DNAH17: variants seen among roughly 807,000 people sequenced by gnomAD.
DNAH17 encodes axonemal beta dynein heavy chain 17.
DNAH17 carries 376 observed loss-of-function variants against 485.6 expected under a neutral mutation model. That is an observed-to-expected ratio of 0.77 (90% CI 0.71 to 0.84). The LOEUF (loss-of-function observed/expected upper bound fraction) is 0.84, where lower values mean the gene tolerates loss of function less well. Ranked by LOEUF, DNAH17 falls within the 40% of genes least tolerant of loss-of-function variation. The pLI, the probability that DNAH17 is intolerant of heterozygous loss-of-function variation, is 0.00. For synonymous variants in DNAH17, 3,031 were observed against 2,405.9 expected, an observed-to-expected ratio of 1.26 and a Z score of -7.60; for missense variants, 6,370 against 5,839.3, an observed-to-expected ratio of 1.09 and a Z score of -2.96.
chr17:78,520,046 G>A (rs570693408), intron 25 of DNAH17, among the ~76,000 whole-genome samples: 3 of 152,260 alleles, frequency 2.0e-5, no homozygotes, highest in South Asian at 4.1e-4. Flanking sequence ...AGGAGGCAGA[G>A]GTTGCAGTGA....
At chr17:78,460,133 G>A (rs150414589) in intron 59 of DNAH17, 29 bp downstream of exon 59, 40,465 of 1,586,270 alleles carry the variant, frequency 0.026, 629 homozygotes, top group Middle Eastern at 0.042. Flanking sequence ...ACCAGGCCAG[G>A]GGTCCCCTTT....
intron 33 of DNAH17, chr17:78,502,322 A>G: frequency 6.2e-6 from 2 of 324,942 alleles, no homozygotes; most frequent in Non-Finnish European, 1.1e-5. Context: ...TTTTTTTTTT[A>G]AAGACTCTCA....
chr17:78,560,774 G>A lies in DNAH17; in HGVS notation c.1997C>T (p.Ala666Val). 6.4e-7 allele frequency: 1 copy of A among 1,552,246 alleles called. No individual in the cohort carries two copies. Among genetic ancestry groups the A allele is most frequent in the Non-Finnish European group, 8.7e-7 (1 of 1,147,332 alleles). Residue 666 changes from alanine to valine, a missense_variant, in exon 13 of 81, where the codon GCT becomes GTT. Transcript: ENST00000389840. ...LGQPLILRDA[A>V]SNLIHVNFSK... ...GAAGTTGACGTGGATGAGGTTGCTA[G>A]CGGCGTCCCGCAGAATCAGCGGCTG... is the stretch of plus-strand genomic sequence containing the variant.
At chr17:78,446,738 G>A (rs1441021541) in intron 69 of DNAH17, among the ~76,000 whole-genome samples, 2 of 152,196 alleles carry the variant, frequency 1.3e-5, no homozygotes, top group Non-Finnish European at 2.9e-5. Context: ...CCACCTCCTG[G>A]GTTCAAGCAA....
At chr17:78,472,997 T>C (rs532743099) in intron 54 of DNAH17, among the ~76,000 whole-genome samples, 8 of 152,246 alleles carry the variant, frequency 5.3e-5, no homozygotes, top group African/African-American at 1.7e-4. Context: ...TCCTCCAGGG[T>C]CCACCCTCCA....
At chr17:78,547,737 C>A (rs1210374185) in intron 16 of DNAH17, among the ~76,000 whole-genome samples, 1 of 151,968 alleles carries the variant, frequency 6.6e-6, no homozygotes, top group African/African-American at 2.4e-5. Context: ...CCTGCCTCAG[C>A]CTCTCTAGTA....
chr17:78,461,920 A>G (rs1476715646), intron 57 of DNAH17, among the ~76,000 whole-genome samples: 1 of 152,088 alleles, frequency 6.6e-6, no homozygotes, highest in Non-Finnish European at 1.5e-5. Context: ...AGTATGAGAC[A>G]TTCCTGGTGC....
At position 78,528,269 on chromosome 17, in the gene DNAH17, CTTTCT is replaced by C. The variant is rs369766526; in HGVS notation, c.3507+1198_3507+1202del. Among the ~76,000 whole-genome samples, 138 of 152,192 alleles carry C rather than the reference CTTTCT, an allele frequency of 9.1e-4. 1 individual carries two copies. The highest frequency in any genetic ancestry group is 3.2e-3 in the African/African-American group (132 of 41,524). ...AGAACCTGCTCAGTCCTTTTATTTTCTTTCTTTTGACACAGGGTCTTGGCTCTGTC... is the reference window on the plus strand; with the variant it reads ...AGAACCTGCTCAGTCCTTTTATTTTCTTTGACACAGGGTCTTGGCTCTGTC... On this transcript the variant is annotated intron_variant, in intron 22 of 80. Coordinates refer to ENST00000389840, the MANE Select transcript of DNAH17 (RefSeq NM_173628.4).
At position 78,510,562 on chromosome 17, in the gene DNAH17, G is replaced by A. The variant is rs529220771; in HGVS notation, c.4114-56C>T. 6.7e-5 allele frequency: 107 copies of A among 1,598,152 alleles called. No individual in the cohort carries two copies. In the African/African-American group the frequency reaches 1.3e-3, roughly 19 times the overall value. On this transcript the variant is annotated intron_variant, in intron 26 of 80. Coordinates refer to ENST00000389840, the MANE Select transcript of DNAH17 (RefSeq NM_173628.4). ...TTCAGGTCATGTGCACTCTGCAGTG[G>A]GCAGACGTCATGATCCTTCATGGAG...
chr17:78,536,052 G>A (rs1441818168), intron 19 of DNAH17, among the ~76,000 whole-genome samples: 1 of 152,132 alleles, frequency 6.6e-6, no homozygotes, highest in East Asian at 1.9e-4. Flanking sequence ...CTCTCCGTGT[G>A]TCTTGTTTGA....
intron 25 of DNAH17, among the ~76,000 whole-genome samples, chr17:78,517,540 C>CT (rs2090820687): frequency 6.6e-6 from 1 of 152,204 alleles, no homozygotes. Flanking sequence ...CTGTCCTTAT[C>CT]TTTCTGCTGC....
chr17:78,539,654 G>A (rs1434784474), intron 18 of DNAH17, 83 bp downstream of exon 18: 6 of 1,178,490 alleles, frequency 5.1e-6, no homozygotes, highest in Admixed American at 3.2e-5. Flanking sequence ...ATGATAGCCT[G>A]TTCATCAAGA....
intron 42 of DNAH17, 78 bp downstream of exon 42, chr17:78,492,555 G>A (rs886363608): frequency 1.5e-5 from 24 of 1,568,436 alleles, no homozygotes; most frequent in Admixed American, 1.4e-4. Flanking sequence ...GGCCTTCCAC[G>A]TGGGAACGGC....
intron 54 of DNAH17, among the ~76,000 whole-genome samples, chr17:78,474,850 G>C (rs1427551441): frequency 6.7e-6 from 1 of 148,548 alleles, no homozygotes; most frequent in African/African-American, 2.5e-5. Context: ...CTTCACCTCA[G>C]TCATGCGGGC....
intron 75 of DNAH17, among the ~76,000 whole-genome samples, chr17:78,431,329 G>T (rs376726828): frequency 9.2e-4 from 140 of 152,270 alleles, no homozygotes; most frequent in African/African-American, 3.0e-3. Flanking sequence ...TGTGTCTCCC[G>T]AGAGGCAGGA....
At chr17:78,478,514 CTCACCACCACCATCACTATCA>C (rs2089196929) in intron 51 of DNAH17, among the ~76,000 whole-genome samples, 1 of 144,244 alleles carries the variant, frequency 6.9e-6, no homozygotes, top group African/African-American at 2.6e-5. Flanking sequence ...CACCATCACC[CTCACCACCACCATCACTATCA>C]TCACCACCAT....
intron 14 of DNAH17, 45 bp downstream of exon 14, chr17:78,558,063 A>G: frequency 6.4e-7 from 1 of 1,560,674 alleles, no homozygotes; most frequent in Non-Finnish European, 8.7e-7. Context: ...AAAAACCAAA[A>G]CAATACAAAG....
intron 47 of DNAH17, 125 bp downstream of exon 47, chr17:78,485,425 G>T: frequency 1.1e-6 from 1 of 921,740 alleles, no homozygotes; most frequent in Non-Finnish European, 1.6e-6. Context: ...AGCGGGTGGG[G>T]CATGGGAAGT....
chr17:78,531,670 A>G (rs1014810791), intron 20 of DNAH17, among the ~76,000 whole-genome samples: 3 of 152,122 alleles, frequency 2.0e-5, no homozygotes, highest in Admixed American at 6.6e-5. Flanking sequence ...ATGTAACTAT[A>G]GTTATTCCTA....
Sources: allele counts gnomAD v4.1 joint callset (sites outside exome capture counted in the v4.1 genomes callset), GRCh38; gene constraint gnomAD v4.1.1; transcripts MANE v1.5; gene names NCBI Gene and HGNC (gene_info 2026-07-23, HGNC 2026-07-21).